Variants in RBFOX1 observed in about 807,000 individuals in gnomAD.
RBFOX1 encodes the protein RNA binding fox-1 homolog 1.
A neutral mutation model predicts 57.7 loss-of-function variants in RBFOX1; 8 were observed. The ratio of observed to expected loss-of-function variants is 0.14; its 90% confidence interval spans 0.08 to 0.25. The LOEUF (loss-of-function observed/expected upper bound fraction) is 0.25, where lower values mean the gene tolerates loss of function less well. Among genes scored for constraint, RBFOX1 ranks in the 10% least tolerant of loss-of-function variants. The pLI is 1.00. For missense variants in RBFOX1, 611 were observed against 548.5 expected (o/e 1.11, Z -1.14); for synonymous variants, 326 against 222.4 (o/e 1.47, Z -4.15).
chr16:7,317,437 T>G lies in RBFOX1; in HGVS notation c.28-200710T>G, dbSNP rs2096464608. ...CTGAACTCTACCATCACCACCACTA[T>G]CACCACTGTCACCAATCCAGTGCTA... On this transcript the variant is annotated intron_variant, in intron 4 of 15. Coordinates refer to ENST00000550418, the MANE Select transcript of RBFOX1 (RefSeq NM_018723.4). Among the ~76,000 whole-genome samples, 2 of 152,028 alleles carry G rather than the reference T, an allele frequency of 1.3e-5. 1 individual carries two copies. The highest frequency in any genetic ancestry group is 2.9e-5 in the Non-Finnish European group (2 of 68,002).
At position 5,284,895 on chromosome 16, in the gene RBFOX1, A is replaced by G. The variant is rs183057444; in HGVS notation, c.219+44790A>G. On this transcript the variant is annotated intron_variant, in intron 1 of 2. Transcript: ENST00000585867. ...ATGCTTTTCTCTTGCTGTTTTTAGA[A>G]TTTTCTCTTTGTCTTTTGACAGTTT... Among the ~76,000 whole-genome samples, 501 of 147,796 alleles carry G rather than the reference A, an allele frequency of 3.4e-3. 3 individuals are homozygous for G. Among genetic ancestry groups the G allele is most frequent in the Middle Eastern group, 6.9e-3 (2 of 290 alleles).
intron 4 of RBFOX1, among the ~76,000 whole-genome samples, chr16:7,469,643 G>T (rs1020005183): frequency 6.6e-6 from 1 of 152,148 alleles, no homozygotes; most frequent in Admixed American, 6.5e-5. Context: ...TCTTCTTAAT[G>T]TCTCACATCA....
intron 2 of RBFOX1, among the ~76,000 whole-genome samples, chr16:5,487,818 G>C (rs949751261): frequency 2.6e-5 from 4 of 152,072 alleles, no homozygotes; most frequent in African/African-American, 9.7e-5. Flanking sequence ...ATAGTAGTGG[G>C]AGTGATGATG....
chr16:7,060,146 C>G (rs2053800060), intron 4 of RBFOX1, among the ~76,000 whole-genome samples: 2 of 152,104 alleles, frequency 1.3e-5, no homozygotes, highest in African/African-American at 4.8e-5. Context: ...CAGATTGTGA[C>G]TATTTTAGGA....
chr16:6,693,824 C>T (rs1201444630), intron 3 of RBFOX1, among the ~76,000 whole-genome samples: 1 of 152,178 alleles, frequency 6.6e-6, no homozygotes, highest in African/African-American at 2.4e-5. Flanking sequence ...TCATTCTCCA[C>T]TACCATCACC....
chr16:5,832,406 C>G (rs920087636), intron 3 of RBFOX1, among the ~76,000 whole-genome samples: 3 of 152,228 alleles, frequency 2.0e-5, no homozygotes, highest in Non-Finnish European at 2.9e-5. Flanking sequence ...CACTTCCTAG[C>G]TGTGTGATCT....
At chr16:6,935,035 G>A (rs2077142252) in intron 3 of RBFOX1, among the ~76,000 whole-genome samples, 1 of 151,902 alleles carries the variant, frequency 6.6e-6, no homozygotes, top group Non-Finnish European at 1.5e-5. Flanking sequence ...TTGTTGCAGT[G>A]AGACAAGATC....
At chr16:7,557,745 A>T (rs1380160675) in intron 5 of RBFOX1, among the ~76,000 whole-genome samples, 1 of 151,912 alleles carries the variant, frequency 6.6e-6, no homozygotes, top group African/African-American at 2.4e-5. Context: ...TGCTGGCTGT[A>T]ATCAGTGAAG....
chr16:7,649,531 C>CA (rs374966936), intron 11 of RBFOX1, among the ~76,000 whole-genome samples: 45 of 152,038 alleles, frequency 3.0e-4, no homozygotes, highest in African/African-American at 1.0e-3. Flanking sequence ...GTGGTTCGAA[C>CA]ACCTCTAATG....
chr16:6,929,481 T>A (rs1157046136), intron 3 of RBFOX1, among the ~76,000 whole-genome samples: 2 of 152,138 alleles, frequency 1.3e-5, no homozygotes, highest in Non-Finnish European at 2.9e-5. Context: ...CTAAGCAGTT[T>A]TTGACACAGT....
chr16:7,485,830 C>T (rs919159090), intron 4 of RBFOX1, among the ~76,000 whole-genome samples: 2 of 152,162 alleles, frequency 1.3e-5, no homozygotes, highest in African/African-American at 2.4e-5. Context: ...TGGTTATCAG[C>T]TTATACTTAA....
intron 2 of RBFOX1, among the ~76,000 whole-genome samples, chr16:6,573,293 G>T (rs1345299): frequency 0.91 from 138,240 of 151,928 alleles, 64,273 homozygotes; most frequent in East Asian, 1. Context: ...GTCTGCCAGG[G>T]GACGCCATAC....
chr16:5,793,661 G>A (rs2054779461), intron 3 of RBFOX1, among the ~76,000 whole-genome samples: 1 of 152,206 alleles, frequency 6.6e-6, no homozygotes, highest in African/African-American at 2.4e-5. Flanking sequence ...TACTTGCAGG[G>A]GATGCTGGAG....
At chr16:7,277,299 A>G (rs901251052) in intron 4 of RBFOX1, among the ~76,000 whole-genome samples, 12 of 152,184 alleles carry the variant, frequency 7.9e-5, no homozygotes, top group Admixed American at 5.2e-4. Flanking sequence ...TTCTACTGCA[A>G]TGCATCTGTG....
At chr16:6,641,651 C>G (rs1462973558) in intron 2 of RBFOX1, among the ~76,000 whole-genome samples, 2 of 148,496 alleles carry the variant, frequency 1.3e-5, no homozygotes, top group African/African-American at 5.0e-5. Context: ...GGGAGAATCA[C>G]TTGAACCTGG....
intron 4 of RBFOX1, among the ~76,000 whole-genome samples, chr16:7,071,959 T>A (rs1277518891): frequency 1.3e-5 from 2 of 152,176 alleles, no homozygotes; most frequent in African/African-American, 4.8e-5. Flanking sequence ...TTTAGATTTG[T>A]GATTCCTAAT....
chr16:5,852,620 A>G (rs1332745963), intron 3 of RBFOX1, among the ~76,000 whole-genome samples: 1 of 152,130 alleles, frequency 6.6e-6, no homozygotes, highest in Admixed American at 6.5e-5. Flanking sequence ...CCAATGCTTG[A>G]TGCAGCTTGG....
At position 7,336,581 on chromosome 16, in the gene RBFOX1, A is replaced by T. The variant is rs189663655; in HGVS notation, c.28-181566A>T. On this transcript the variant is annotated intron_variant, in intron 4 of 15. Transcript: ENST00000550418. ...CCACTGAACTGTGGGTTCACAATCT[A>T]GTGGAAGAACTAGTAGGTAAACCCC... is the stretch of plus-strand genomic sequence containing the variant. Among the ~76,000 whole-genome samples, 15 of 152,356 alleles carry T rather than the reference A, an allele frequency of 9.8e-5. No homozygotes were observed. The East Asian group carries it at 2.7e-3, about 27-fold the overall frequency.
intron 4 of RBFOX1, among the ~76,000 whole-genome samples, chr16:7,483,937 C>G (rs773881386): frequency 1.3e-5 from 2 of 152,240 alleles, no homozygotes; most frequent in Admixed American, 6.5e-5. Flanking sequence ...TATATACAAT[C>G]TCACAGTCTC....
Sources: gnomAD v4.1 joint callset for allele counts (sites outside exome capture counted in the v4.1 genomes callset) on GRCh38, gnomAD v4.1.1 for gene constraint, MANE v1.5 for transcripts, NCBI Gene and HGNC (gene_info 2026-07-23, HGNC 2026-07-21) for gene names.